SRPK2: variants seen among roughly 807,000 people sequenced by gnomAD.
SRPK2 encodes SRSF protein kinase 2, also known as SFRS protein kinase 2.
Under a neutral mutation model 90.8 loss-of-function variants are expected in SRPK2, and 21 were observed. The ratio of observed to expected loss-of-function variants is 0.23; its 90% CI spans 0.16 to 0.33. The LOEUF (loss-of-function observed/expected upper bound fraction) is 0.33, where lower values mean the gene tolerates loss of function less well. SRPK2 is among the 10% of genes least tolerant of loss of function. SRPK2 has a pLI of 1.00. For synonymous variants in SRPK2, 288 were observed against 311.1 expected, an observed-to-expected ratio of 0.93 and a Z score of 0.78; for missense variants, 620 against 869.0, an observed-to-expected ratio of 0.71 and a Z score of 3.60.
intron 2 of SRPK2, among the ~76,000 whole-genome samples, chr7:105,270,252 G>C (rs1018548511): frequency 6.6e-6 from 1 of 152,198 alleles, no homozygotes. Flanking sequence ...GGAGAGCAGA[G>C]CACAGCGCCT....
chr7:105,118,239 GTTAA>G (rs1799837542), intron 15 of SRPK2, among the ~76,000 whole-genome samples: 1 of 152,176 alleles, frequency 6.6e-6, no homozygotes. Flanking sequence ...CTAAATAGAG[GTTAA>G]TTAATAGTTC....
intron 2 of SRPK2, among the ~76,000 whole-genome samples, chr7:105,336,576 G>C (rs66638610): frequency 0.44 from 66,765 of 151,974 alleles, 16,138 homozygotes; most frequent in Non-Finnish European, 0.54. Flanking sequence ...TACATTTGTT[G>C]TTATACGTCT....
At chr7:105,374,747 T>C (rs1182792034) in intron 2 of SRPK2, among the ~76,000 whole-genome samples, 6 of 152,114 alleles carry the variant, frequency 3.9e-5, no homozygotes, top group African/African-American at 1.4e-4. Context: ...TGGGAAGGGA[T>C]TACAGGCGCC....
chr7:105,357,593 A>G (rs1817924393), intron 2 of SRPK2, among the ~76,000 whole-genome samples: 1 of 152,004 alleles, frequency 6.6e-6, no homozygotes, highest in South Asian at 2.1e-4. Flanking sequence ...AAAATACAAA[A>G]AATAGCCGGG....
At chr7:105,239,047 G>C (rs890290880) in intron 2 of SRPK2, among the ~76,000 whole-genome samples, 9 of 152,106 alleles carry the variant, frequency 5.9e-5, no homozygotes, top group African/African-American at 2.2e-4. Context: ...CTCCTAATAA[G>C]CAAGCCAAAA....
intron 3 of SRPK2, among the ~76,000 whole-genome samples, chr7:105,193,302 G>A (rs1419898510): frequency 6.6e-6 from 1 of 151,966 alleles, no homozygotes; most frequent in Non-Finnish European, 1.5e-5. Context: ...TAGGGTGTCT[G>A]TTCCCTTTTT....
chr7:105,168,151 C>A, intron 4 of SRPK2, 56 bp from the exon 5 acceptor site: 1 of 1,387,960 alleles, frequency 7.2e-7, no homozygotes, highest in South Asian at 1.3e-5. Flanking sequence ...TAGAAAGAAT[C>A]ACTGGTATCC....
chr7:105,257,974 G>C (rs898828457), intron 2 of SRPK2, among the ~76,000 whole-genome samples: 5 of 151,966 alleles, frequency 3.3e-5, no homozygotes, highest in African/African-American at 9.7e-5. Context: ...AGGCGTGGTG[G>C]CACGCGCCTG....
intron 2 of SRPK2, among the ~76,000 whole-genome samples, chr7:105,331,321 A>AC (rs1563248522): frequency 7.5e-6 from 1 of 132,554 alleles, no homozygotes; most frequent in African/African-American, 2.6e-5. Flanking sequence ...AAAAAAAAAA[A>AC]AAAAAAAAAA....
At chr7:105,250,175 C>CA (rs1243039862) in intron 2 of SRPK2, among the ~76,000 whole-genome samples, 6 of 148,866 alleles carry the variant, frequency 4.0e-5, no homozygotes, top group African/African-American at 1.2e-4. Flanking sequence ...ACTAAAAATA[C>CA]AAAAAATTAG....
chr7:105,345,343 T>C (rs2131958728), intron 2 of SRPK2, among the ~76,000 whole-genome samples: 1 of 152,250 alleles, frequency 6.6e-6, no homozygotes, highest in Non-Finnish European at 1.5e-5. Flanking sequence ...CAAGAGTCCA[T>C]TATGATGAAT....
In SRPK2 at chr7:105,267,990, A is replaced by T. The variant is rs539511224; in HGVS notation, c.72-64205T>A. ...GTATGCCCAGGAATCTCAATTTAAG[A>T]CATCATGTAGTATACACTATTTTGG... On this transcript the variant is annotated intron_variant, in intron 2 of 15. Transcript: ENST00000393651. Among the ~76,000 whole-genome samples, 11 of 152,318 alleles carry T rather than the reference A, an allele frequency of 7.2e-5. No homozygotes were observed. In the South Asian group the frequency reaches 2.3e-3, roughly 32 times the overall value.
intron 3 of SRPK2, among the ~76,000 whole-genome samples, chr7:105,173,319 T>A (rs1034934571): frequency 1.3e-5 from 2 of 152,172 alleles, no homozygotes; most frequent in African/African-American, 4.8e-5. Flanking sequence ...TTAACTTACT[T>A]CTATTTTGAA....
At chr7:105,285,152 G>A (rs764336414) in intron 2 of SRPK2, among the ~76,000 whole-genome samples, 3 of 152,054 alleles carry the variant, frequency 2.0e-5, no homozygotes, top group Non-Finnish European at 2.9e-5. Context: ...TTGGAAGCCC[G>A]AGGCAGGAGG....
At chr7:105,337,068 C>T (rs1815180476) in intron 2 of SRPK2, among the ~76,000 whole-genome samples, 1 of 152,044 alleles carries the variant, frequency 6.6e-6, no homozygotes. Context: ...TCCCAAAGAG[C>T]TGGGATTACA....
Position 105,388,680 on chromosome 7 carries a change from C to T in SRPK2, c.39G>A (p.Lys13=). 1 of 1,588,322 alleles carries T rather than the reference C, an allele frequency of 6.3e-7. No individual in the cohort carries two copies. Among genetic ancestry groups the T allele is most frequent in the Non-Finnish European group, 8.6e-7 (1 of 1,167,076 alleles). Residue 13 remains lysine (K), a synonymous_variant, in exon 2 of 16, where the codon AAG becomes AAA. Coordinates refer to ENST00000393651, the MANE Select transcript of SRPK2 (RefSeq NM_182692.3). ...GATGTTTCTCTCTTTTCGGCCTCCGCTTTCGGGCCTGAATGGCCAGCACTG... is the reference window on the plus strand; with the variant it reads ...GATGTTTCTCTCTTTTCGGCCTCCGTTTTCGGGCCTGAATGGCCAGCACTG... ...SRKVLAIQAR[K]RRPKREKHPK...
At chr7:105,238,056 C>T (rs1475883596) in intron 2 of SRPK2, among the ~76,000 whole-genome samples, 3 of 152,112 alleles carry the variant, frequency 2.0e-5, no homozygotes, top group Non-Finnish European at 4.4e-5. Context: ...ATTCCATACT[C>T]CCCCAACCAG....
At chr7:105,161,622 C>A (rs148080434) in intron 6 of SRPK2, among the ~76,000 whole-genome samples, 46 of 152,298 alleles carry the variant, frequency 3.0e-4, no homozygotes, top group African/African-American at 1.0e-3. Context: ...CCTGATGAAA[C>A]AGGCAAGACT....
At chr7:105,221,586 T>A (rs1798103421) in intron 2 of SRPK2, among the ~76,000 whole-genome samples, 2 of 152,178 alleles carry the variant, frequency 1.3e-5, no homozygotes, top group Admixed American at 1.3e-4. Context: ...CACGGAGCAT[T>A]CTGTCACTAC....
Sources: allele counts gnomAD v4.1 joint callset (sites outside exome capture counted in the v4.1 genomes callset), GRCh38; gene constraint gnomAD v4.1.1; transcripts MANE v1.5; gene names NCBI Gene and HGNC (gene_info 2026-07-23, HGNC 2026-07-21).